GALNS: variants seen among roughly 807,000 people sequenced by gnomAD.
GALNS encodes N-acetylgalactosamine-6-sulfatase.
GALNS carries 65 observed loss-of-function variants against 65.9 expected under a neutral mutation model. The ratio of observed to expected loss-of-function variants is 0.99; its 90% CI spans 0.81 to 1.21. The LOEUF (loss-of-function observed/expected upper bound fraction) is 1.21, where lower values mean the gene tolerates loss of function less well. Ranked by LOEUF, GALNS falls within the 50% of genes most tolerant of loss-of-function variation. GALNS has a pLI of 0.00. For missense variants in GALNS, 776 were observed against 700.7 expected (o/e 1.11, Z -1.21); for synonymous variants, 346 against 288.9 (o/e 1.20, Z -2.00).
At chr16:88,854,740 A>G (rs1967698100) in intron 1 of GALNS, among the ~76,000 whole-genome samples, 3 of 152,244 alleles carry the variant, frequency 2.0e-5, no homozygotes, top group Non-Finnish European at 2.9e-5. Flanking sequence ...CAGAGCCACG[A>G]AAGGGGAAAC....
chr16:88,828,287 C>A (rs367881749), intron 9 of GALNS, among the ~76,000 whole-genome samples: 1 of 20,292 alleles, frequency 4.9e-5, no homozygotes, highest in African/African-American at 2.0e-4. Flanking sequence ...GGCGGGCGGG[C>A]GGGAGTGGTG....
In GALNS at chr16:88,836,187, G is replaced by A; in HGVS notation, c.633+14C>T. 1 of 1,612,112 alleles carries A rather than the reference G, an allele frequency of 6.2e-7. No individual in the cohort carries two copies. Among genetic ancestry groups the A allele is most frequent in the Non-Finnish European group, 8.5e-7 (1 of 1,178,708 alleles). On this transcript the variant is annotated intron_variant, in intron 6 of 13. Coordinates refer to ENST00000268695, the MANE Select transcript of GALNS (RefSeq NM_000512.5). ...ATGCGTCCCACAGGGCGAGGATGGT[G>A]CGGTCCCCATCACCTGCAGGTAGAT... is the stretch of plus-strand genomic sequence containing the variant.
chr16:88,826,570 C>T, intron 10 of GALNS, 132 bp downstream of exon 10: 1 of 1,134,872 alleles, frequency 8.8e-7, no homozygotes, highest in Non-Finnish European at 1.3e-6. Context: ...CCTGCCTCCT[C>T]CTGCCCTGGG....
At chr16:88,824,673 AC>A in intron 11 of GALNS, 93 bp downstream of exon 11, 6 of 1,028,244 alleles carry the variant, frequency 5.8e-6, no homozygotes, top group Non-Finnish European at 9.1e-6. Context: ...TGCCTGTCTC[AC>A]CCTCCTGTGC....
intron 2 of GALNS, 40 bp from the exon 3 acceptor site, chr16:88,842,011 G>C (rs753728283): frequency 2.5e-6 from 4 of 1,570,536 alleles, no homozygotes; most frequent in Admixed American, 1.8e-5. Context: ...GATAAGAAGG[G>C]TGTGGCTCAG....
At chr16:88,816,007 G>A (rs1027098470) in intron 13 of GALNS, 1 of 985,262 alleles carries the variant, frequency 1.0e-6, no homozygotes, top group African/African-American at 1.7e-5. Context: ...GGCAGGGAAG[G>A]GGTAAGGAGG....
chr16:88,826,182 A>C (rs1910879526), intron 10 of GALNS, among the ~76,000 whole-genome samples: 1 of 147,672 alleles, frequency 6.8e-6, no homozygotes, highest in Non-Finnish European at 1.5e-5. Flanking sequence ...ACAGACAGGG[A>C]ACAGGGGTGG....
chr16:88,856,581 A>C (rs888065013), intron 1 of GALNS, 177 bp downstream of exon 1: 14 of 490,890 alleles, frequency 2.9e-5, no homozygotes, highest in African/African-American at 9.5e-5. Flanking sequence ...GCACGGGGAT[A>C]CCCCCCGTCC....
intron 10 of GALNS, among the ~76,000 whole-genome samples, chr16:88,825,833 C>A (rs1272287334): frequency 6.6e-6 from 1 of 152,120 alleles, no homozygotes; most frequent in South Asian, 2.1e-4. Flanking sequence ...CGAGAGGGGA[C>A]AAGTGAGCAA....
Position 88,841,096 on chromosome 16 carries a change from T to C in GALNS, c.320-2A>G. 6.2e-7 allele frequency: 1 copy of C among 1,612,190 alleles called. No individual in the cohort carries two copies. The highest frequency in any genetic ancestry group is 8.5e-7 in the Non-Finnish European group (1 of 1,179,258). On this transcript the variant is annotated splice_acceptor_variant, in intron 3 of 13. Coordinates refer to ENST00000268695, the MANE Select transcript of GALNS (RefSeq NM_000512.5). LOFTEE classifies it high-confidence loss of function. ...CCACAATCTCCTGCGGTGTGTAGGC[T>C]GGAAGAGCAGCGCTGGGTGAGCCCC...
chr16:88,822,717 TGAG>T lies in GALNS; in HGVS notation c.1243-10_1243-8del. The T allele has an allele frequency of 6.2e-7, 1 of 1,609,940 alleles. No homozygotes were observed. The highest frequency in any genetic ancestry group is 8.5e-7 in the Non-Finnish European group (1 of 1,177,852). On this transcript the variant is annotated splice_region_variant and splice_polypyrimidine_tract_variant and intron_variant, in intron 11 of 13. Coordinates refer to ENST00000268695, the MANE Select transcript of GALNS (RefSeq NM_000512.5). ...CAGGGCAGAAATCAATGCCCTGCAATGAGAAGAGGGAAGGTGTGTCCTGGAGCC... is the reference window on the plus strand; with the variant it reads ...CAGGGCAGAAATCAATGCCCTGCAATAAGAGGGAAGGTGTGTCCTGGAGCC...
At chr16:88,842,955 C>T in intron 1 of GALNS, 126 bp from the exon 2 acceptor site, 1 of 1,533,084 alleles carries the variant, frequency 6.5e-7, no homozygotes, top group Non-Finnish European at 8.8e-7. Context: ...GTGTCCCAGC[C>T]AGCGGCAGAG....
At chr16:88,822,122 A>T (rs1401421178) in intron 12 of GALNS, among the ~76,000 whole-genome samples, 1 of 151,990 alleles carries the variant, frequency 6.6e-6, no homozygotes, top group East Asian at 1.9e-4. Context: ...GGGTAAGGGG[A>T]GGGCTTCCCT....
At position 88,822,048 on chromosome 16, in the gene GALNS, C is replaced by T. The variant is rs530168719; in HGVS notation, c.1364+541G>A. ...CAGCCAAGTGTTGGGGCCTCTGTGT[C>T]GCCCCTAAGGAGCTGCCAGCAGGTG... On this transcript the variant is annotated intron_variant, in intron 12 of 13. Transcript: ENST00000268695. 3.3e-5 allele frequency among the ~76,000 whole-genome samples: 5 copies of T among 152,224 alleles called. No homozygotes were observed. In the East Asian group the frequency reaches 5.8e-4, roughly 18 times the overall value.
At chr16:88,835,438 G>C in intron 7 of GALNS, 86 bp from the exon 8 acceptor site, 2 of 1,546,258 alleles carry the variant, frequency 1.3e-6, no homozygotes, top group Non-Finnish European at 1.8e-6. Flanking sequence ...GTGATTCACG[G>C]AGTTCATTAA....
At chr16:88,816,631 A>C (rs1402042209) in intron 13 of GALNS, 3 of 983,394 alleles carry the variant, frequency 3.1e-6, no homozygotes, top group Non-Finnish European at 3.6e-6. Flanking sequence ...CATGGTCCTC[A>C]CTGCTGGTAG....
chr16:88,830,857 C>T (rs192612780), intron 9 of GALNS, among the ~76,000 whole-genome samples: 10 of 152,066 alleles, frequency 6.6e-5, no homozygotes, highest in Non-Finnish European at 1.2e-4. Context: ...CCTTAGGACA[C>T]TGGCCTGAGA....
intron 13 of GALNS, 27 bp downstream of exon 13, chr16:88,817,980 A>T (rs1276817875): frequency 6.5e-7 from 1 of 1,536,648 alleles, no homozygotes; most frequent in Admixed American, 1.8e-5. Flanking sequence ...CGGCAAAGAG[A>T]CGGCCGCCCA....
rs779346966 is a variant in GALNS at position 88,835,681 on chromosome 16, T to C, written c.758+44A>G. The C allele has an allele frequency of 1.9e-6, 3 of 1,612,664 alleles. No individual in the cohort carries two copies. The African/African-American group carries it at 4.0e-5, about 22-fold the overall frequency. On this transcript the variant is annotated intron_variant, in intron 7 of 13. Transcript: ENST00000268695. ...TCCCATCTCTGGAGTCAAGCACAGC[T>C]GGGGCCTCCAGCGAGGTCTATGCTC...
Sources: allele counts gnomAD v4.1 joint callset (sites outside exome capture counted in the v4.1 genomes callset), GRCh38; gene constraint gnomAD v4.1.1; transcripts MANE v1.5; gene names NCBI Gene and HGNC (gene_info 2026-07-23, HGNC 2026-07-21).